Variants in SRGAP1 observed in about 807,000 individuals in gnomAD.
SRGAP1 encodes SLIT-ROBO Rho GTPase activating protein 1, also known as SLIT-ROBO Rho GTPase-activating protein 1.
Under a neutral mutation model 121.9 loss-of-function variants are expected in SRGAP1, and 43 were observed. The observed-to-expected ratio is 0.35, with a 90% CI of 0.28 to 0.46. SRGAP1 has a LOEUF of 0.46. Among genes scored for constraint, SRGAP1 ranks in the 20% least tolerant of loss-of-function variants. The pLI, the probability that SRGAP1 is intolerant of heterozygous loss-of-function variation, is 1.00. For missense variants in SRGAP1, 1,102 were observed against 1,350.9 expected, an observed-to-expected ratio of 0.82 and a Z score of 2.89; for synonymous variants, 447 against 485.4, an observed-to-expected ratio of 0.92 and a Z score of 1.04.
intron 4 of SRGAP1, among the ~76,000 whole-genome samples, chr12:64,021,827 G>A (rs553572291): frequency 6.6e-6 from 1 of 152,306 alleles, no homozygotes; most frequent in African/African-American, 2.4e-5. Context: ...GTATTTAAAT[G>A]ATTTAACAGG....
intron 3 of SRGAP1, among the ~76,000 whole-genome samples, chr12:64,005,476 T>G (rs964200062): frequency 6.6e-6 from 1 of 151,954 alleles, no homozygotes; most frequent in South Asian, 2.1e-4. Flanking sequence ...ACCCCCATTT[T>G]ACAAAAATAA....
chr12:64,089,696 G>C (rs1294867710), intron 11 of SRGAP1, among the ~76,000 whole-genome samples: 1 of 152,156 alleles, frequency 6.6e-6, no homozygotes, highest in Non-Finnish European at 1.5e-5. Context: ...ATGACATGTT[G>C]CCTGGTAGAA....
chr12:64,038,067 G>A (rs751094069), intron 4 of SRGAP1, among the ~76,000 whole-genome samples: 2 of 152,136 alleles, frequency 1.3e-5, no homozygotes, highest in African/African-American at 2.4e-5. Flanking sequence ...CACCATTGCT[G>A]TGCCAGCTGT....
intron 1 of SRGAP1, among the ~76,000 whole-genome samples, chr12:63,862,236 G>A (rs897338977): frequency 6.6e-6 from 1 of 152,228 alleles, no homozygotes; most frequent in Non-Finnish European, 1.5e-5. Context: ...AGCAAAGGTA[G>A]TAGTTTAAGG....
chr12:63,903,643 C>T (rs1445150622), intron 1 of SRGAP1, among the ~76,000 whole-genome samples: 2 of 149,428 alleles, frequency 1.3e-5, no homozygotes, highest in Non-Finnish European at 2.9e-5. Context: ...TTCACCGCAA[C>T]GTCTGCCTTG....
chr12:63,892,994 A>T (rs1276934133), intron 1 of SRGAP1, among the ~76,000 whole-genome samples: 5 of 152,116 alleles, frequency 3.3e-5, no homozygotes, highest in Non-Finnish European at 5.9e-5. Context: ...CTGTTCAGTT[A>T]TGTAGGTATT....
chr12:64,020,457 G>T (rs1377133287), intron 4 of SRGAP1, among the ~76,000 whole-genome samples: 5 of 151,552 alleles, frequency 3.3e-5, no homozygotes, highest in African/African-American at 1.2e-4. Context: ...GCCTTTATTT[G>T]CTGGGAAAAA....
At position 64,115,864 on chromosome 12, in the gene SRGAP1, C is replaced by T. The variant is rs753480616; in HGVS notation, c.2195C>T (p.Ala732Val). The change falls in exon 18 of 22, where the codon GCT becomes GTT. Residue 732 changes from alanine to valine, a missense_variant. Around this residue, in one of 3 missense-constraint regions of SRGAP1, gnomAD observed 747 missense variants for 929.4 expected, o/e 0.80. Coordinates refer to ENST00000355086, the MANE Select transcript of SRGAP1 (RefSeq NM_020762.4). ...HGTLEEVDQD[A>V]GTEPHTSEDE... ...ACATTGGAGGAAGTGGACCAAGATG[C>T]TGGTACAGAGCCCCACACAAGTGAA... 1.2e-5 allele frequency: 19 copies of T among 1,613,434 alleles called. No individual in the cohort carries two copies. Among genetic ancestry groups the T allele is most frequent in the Middle Eastern group, 1.7e-4 (1 of 6,060 alleles).
chr12:64,085,659 G>A (rs1423645386), intron 10 of SRGAP1, among the ~76,000 whole-genome samples: 1 of 152,126 alleles, frequency 6.6e-6, no homozygotes, highest in African/African-American at 2.4e-5. Flanking sequence ...CTACTTCTCA[G>A]TAGACCTTCA....
intron 1 of SRGAP1, among the ~76,000 whole-genome samples, chr12:63,977,310 A>G (rs1295165667): frequency 2.0e-5 from 3 of 152,224 alleles, no homozygotes; most frequent in African/African-American, 7.2e-5. Flanking sequence ...AAGAGAATGT[A>G]GACCCCTTTG....
Position 64,094,928 on chromosome 12 carries a change from C to A in SRGAP1, c.1540-4C>A. On this transcript the variant is annotated splice_region_variant and splice_polypyrimidine_tract_variant and intron_variant, in intron 12 of 21. Coordinates refer to ENST00000355086, the MANE Select transcript of SRGAP1 (RefSeq NM_020762.4). ...GGTTAACTGGTTTCCATCCCTTTAC[C>A]CAGGACTCAGGACAGGTTATTCCCC... 1 of 1,613,968 alleles carries A rather than the reference C, an allele frequency of 6.2e-7. No homozygotes were observed. Among genetic ancestry groups the A allele is most frequent in the Non-Finnish European group, 8.5e-7 (1 of 1,179,892 alleles).
intron 2 of SRGAP1, among the ~76,000 whole-genome samples, chr12:63,984,789 G>T (rs1014723026): frequency 6.6e-6 from 1 of 152,144 alleles, no homozygotes; most frequent in Non-Finnish European, 1.5e-5. Flanking sequence ...GCCAAGGCAG[G>T]TGGATCACCT....
chr12:64,058,755 C>A (rs568618150), intron 6 of SRGAP1, among the ~76,000 whole-genome samples: 13 of 152,098 alleles, frequency 8.5e-5, no homozygotes, highest in African/African-American at 2.9e-4. Context: ...TTACTCTAAA[C>A]CTTTTTAACC....
intron 4 of SRGAP1, among the ~76,000 whole-genome samples, chr12:64,031,979 T>G (rs990608283): frequency 6.6e-6 from 1 of 152,134 alleles, no homozygotes; most frequent in Non-Finnish European, 1.5e-5. Flanking sequence ...ACCTTTCCAT[T>G]AAAAATGCTA....
In SRGAP1 at chr12:64,093,772, A is replaced by G. The variant is rs183260083; in HGVS notation, c.1540-1160A>G. Among the ~76,000 whole-genome samples, 400 of 152,300 alleles carry G rather than the reference A, an allele frequency of 2.6e-3. 1 individual carries two copies. The Middle Eastern group carries it at 0.027, about 10-fold the overall frequency. On this transcript the variant is annotated intron_variant, in intron 12 of 21. Coordinates refer to ENST00000355086, the MANE Select transcript of SRGAP1 (RefSeq NM_020762.4). ...ATTAGAAAAACTTAATACAGTCTCC[A>G]GAAGTAATTGAGCCATTAACTGGTT...
chr12:64,041,434 G>A (rs2035021875), intron 4 of SRGAP1, among the ~76,000 whole-genome samples: 1 of 151,238 alleles, frequency 6.6e-6, no homozygotes, highest in South Asian at 2.1e-4. Context: ...ACCCAGGCTG[G>A]AGTGCAGTGG....
At chr12:63,932,466 T>G (rs918758464) in intron 1 of SRGAP1, among the ~76,000 whole-genome samples, 1 of 152,230 alleles carries the variant, frequency 6.6e-6, no homozygotes, top group Non-Finnish European at 1.5e-5. Context: ...CCAACAGATC[T>G]TATACAAATT....
At position 64,078,681 on chromosome 12, in the gene SRGAP1, TA is replaced by T. The variant is rs559533569; in HGVS notation, c.1126-237del. ...AAAAGTAATTGAGAGAGTACCCAGA[TA>T]TGAGATTTATAAGGACTGAAATATA... On this transcript the variant is annotated intron_variant, in intron 8 of 21. Transcript: ENST00000355086. Among the ~76,000 whole-genome samples the T allele has an allele frequency of 5.5e-3, 836 of 152,338 alleles. 7 individuals carry two copies. Among genetic ancestry groups the T allele is most frequent in the African/African-American group, 0.02 (819 of 41,568 alleles).
intron 4 of SRGAP1, among the ~76,000 whole-genome samples, chr12:64,022,758 A>G (rs1002043964): frequency 2.0e-5 from 3 of 152,204 alleles, no homozygotes; most frequent in African/African-American, 7.2e-5. Flanking sequence ...GAGTTGTTGA[A>G]TGAATGTTCT....
Sources: allele counts gnomAD v4.1 joint callset (sites outside exome capture counted in the v4.1 genomes callset), GRCh38; gene constraint gnomAD v4.1.1; regional missense constraint gnomAD v4.1.1; transcripts MANE v1.5; gene names NCBI Gene and HGNC (gene_info 2026-07-23, HGNC 2026-07-21).